SCN8A: variants seen among roughly 807,000 people sequenced by gnomAD.
The protein encoded by SCN8A is sodium channel protein type 8 subunit alpha.
A neutral mutation model predicts 184.1 loss-of-function variants in SCN8A; 30 were observed. That is an observed-to-expected ratio of 0.16 (90% CI 0.12 to 0.22). SCN8A has a LOEUF of 0.22. SCN8A is among the 10% of genes least tolerant of loss of function. SCN8A has a pLI of 1.00. For missense variants in SCN8A, 1,057 were observed against 2,498.9 expected (o/e 0.42, Z 12.30); for synonymous variants, 852 against 907.0 (o/e 0.94, Z 1.09).
intron 1 of SCN8A, among the ~76,000 whole-genome samples, chr12:51,638,124 A>G (rs1940359365): frequency 6.6e-6 from 1 of 152,114 alleles, no homozygotes. Context: ...CACTGTTGAG[A>G]CCTACTGCTC....
intron 5 of SCN8A, 84 bp downstream of exon 5, chr12:51,687,303 A>T: frequency 1.4e-6 from 2 of 1,474,444 alleles, no homozygotes; most frequent in Non-Finnish European, 1.9e-6. Flanking sequence ...GTAGGTGTGC[A>T]TTTGTGGACA....
At chr12:51,627,885 T>A (rs1337898365) in intron 1 of SCN8A, among the ~76,000 whole-genome samples, 1 of 152,252 alleles carries the variant, frequency 6.6e-6, no homozygotes, top group Non-Finnish European at 1.5e-5. Context: ...TTCTGTCTCC[T>A]AGAGTGCAAA....
intron 16 of SCN8A, among the ~76,000 whole-genome samples, chr12:51,766,643 C>T (rs917836402): frequency 3.3e-5 from 5 of 152,156 alleles, no homozygotes; most frequent in Non-Finnish European, 5.9e-5. Flanking sequence ...CACTTTATTG[C>T]TTTACTTTGA....
intron 15 of SCN8A, 61 bp from the exon 16 acceptor site, chr12:51,765,610 T>C: frequency 5.2e-6 from 5 of 962,720 alleles, no homozygotes; most frequent in Non-Finnish European, 7.6e-6. Flanking sequence ...ATTTTAGCCA[T>C]GTGGTGAGAA....
chr12:51,775,231 A>G (rs1445388015), intron 20 of SCN8A, among the ~76,000 whole-genome samples: 3 of 152,256 alleles, frequency 2.0e-5, no homozygotes, highest in Non-Finnish European at 4.4e-5. Flanking sequence ...CCAAGAAAGT[A>G]GAACGGTGGA....
chr12:51,750,927 C>T (rs1005200625), intron 13 of SCN8A, among the ~76,000 whole-genome samples: 6 of 152,186 alleles, frequency 3.9e-5, no homozygotes, highest in Non-Finnish European at 8.8e-5. Context: ...GACTGCTTTA[C>T]ACCAGCATCT....
intron 2 of SCN8A, among the ~76,000 whole-genome samples, chr12:51,682,032 CTTTTATTAT>C (rs1005767012): frequency 2.6e-5 from 4 of 151,810 alleles, no homozygotes; most frequent in African/African-American, 9.7e-5. Context: ...TTGTTGAGTA[CTTTTATTAT>C]GAAAGGTGTT....
At chr12:51,697,581 T>G (rs1381943706) in intron 6 of SCN8A, among the ~76,000 whole-genome samples, 1 of 152,178 alleles carries the variant, frequency 6.6e-6, no homozygotes, top group Non-Finnish European at 1.5e-5. Context: ...CCCTGAGCAG[T>G]GCCATTTTCC....
intron 1 of SCN8A, among the ~76,000 whole-genome samples, chr12:51,604,739 G>A (rs1939547508): frequency 6.6e-6 from 1 of 151,974 alleles, no homozygotes; most frequent in African/African-American, 2.4e-5. Context: ...TCTCCATGTT[G>A]GTCAGGCTGG....
chr12:51,686,067 G>C (rs1941414730), intron 3 of SCN8A, among the ~76,000 whole-genome samples: 1 of 152,226 alleles, frequency 6.6e-6, no homozygotes, highest in Non-Finnish European at 1.5e-5. Flanking sequence ...TAGAGGCTTA[G>C]TCTGTAGTTG....
intron 1 of SCN8A, among the ~76,000 whole-genome samples, chr12:51,623,292 G>C (rs1035243514): frequency 3.9e-5 from 6 of 152,258 alleles, no homozygotes; most frequent in African/African-American, 1.2e-4. Flanking sequence ...AATTATTTCT[G>C]TATCTATCAG....
At chr12:51,733,649 GTTC>G (rs1435701407) in intron 12 of SCN8A, among the ~76,000 whole-genome samples, 1 of 152,014 alleles carries the variant, frequency 6.6e-6, no homozygotes, top group East Asian at 1.9e-4. Flanking sequence ...ATTGACATTG[GTTC>G]TTCTTTAAAT....
chr12:51,706,349 A>C, intron 10 of SCN8A, 73 bp from the exon 11 acceptor site: 1 of 1,405,554 alleles, frequency 7.1e-7, no homozygotes, highest in African/African-American at 1.4e-5. Flanking sequence ...AATGTTCTGT[A>C]CTAACTGGTT....
chr12:51,619,139 T>C (rs899600761), intron 1 of SCN8A, among the ~76,000 whole-genome samples: 1 of 152,200 alleles, frequency 6.6e-6, no homozygotes, highest in Admixed American at 6.5e-5. Flanking sequence ...CAGTGTACTG[T>C]ACACACTATT....
At chr12:51,614,255 G>A (rs1347405628) in intron 1 of SCN8A, among the ~76,000 whole-genome samples, 1 of 151,948 alleles carries the variant, frequency 6.6e-6, no homozygotes, top group Non-Finnish European at 1.5e-5. Context: ...TTGTATATTT[G>A]AAGGTTCTTT....
rs1304040931 is a variant in SCN8A, at chr12:51,631,775, C to T, written c.-54-30989C>T. On this transcript the variant is annotated intron_variant, in intron 1 of 26. Coordinates refer to ENST00000627620, the MANE Select transcript of SCN8A (RefSeq NM_001330260.2). Reference sequence around the variant, plus strand: ...TGGGCCTGACTCACAGGAGAGCCAGCCCAGTGCTGAGTCACTTAGCCAACT... The same window carrying T: ...TGGGCCTGACTCACAGGAGAGCCAGTCCAGTGCTGAGTCACTTAGCCAACT... Among the ~76,000 whole-genome samples, 9 of 152,318 alleles carry T rather than the reference C, an allele frequency of 5.9e-5. No individual in the cohort carries two copies. In the East Asian group the frequency reaches 1.7e-3, roughly 29 times the overall value.
At chr12:51,650,265 C>G (rs1244285071) in intron 1 of SCN8A, among the ~76,000 whole-genome samples, 1 of 152,296 alleles carries the variant, frequency 6.6e-6, no homozygotes, top group South Asian at 2.1e-4. Context: ...TTCCTGTCTT[C>G]TTCTGAGCCC....
intron 2 of SCN8A, among the ~76,000 whole-genome samples, chr12:51,674,641 TTCTTG>T (rs1941191579): frequency 6.6e-6 from 1 of 152,176 alleles, no homozygotes; most frequent in South Asian, 2.1e-4. Context: ...GGCCAGCCCC[TTCTTG>T]TCTTCTAATG....
intron 12 of SCN8A, among the ~76,000 whole-genome samples, chr12:51,726,830 G>T (rs1346258341): frequency 2.0e-5 from 3 of 152,154 alleles, no homozygotes; most frequent in Non-Finnish European, 4.4e-5. Flanking sequence ...AGAAGGTGGG[G>T]CTCCTTCTAA....
Sources: gnomAD v4.1 joint callset for allele counts (sites outside exome capture counted in the v4.1 genomes callset) on GRCh38, gnomAD v4.1.1 for gene constraint, MANE v1.5 for transcripts, NCBI Gene and HGNC (gene_info 2026-07-23, HGNC 2026-07-21) for gene names.